The following CR1 variants were observed in gnomAD, a reference collection of about 807,000 sequenced individuals.
CR1 encodes the protein complement C3b/C4b receptor 1 (Knops blood group), also known as complement receptor type 1.
Under a neutral mutation model 187.3 loss-of-function variants are expected in CR1, and 116 were observed. The ratio of observed to expected loss-of-function variants is 0.62; its 90% confidence interval spans 0.53 to 0.72. The LOEUF is 0.72. CR1 is among the 30% of genes least tolerant of loss of function. CR1 has a pLI of 0.00. For missense variants in CR1, 1,731 were observed against 2,110.7 expected, an observed-to-expected ratio of 0.82 and a Z score of 3.52; for synonymous variants, 576 against 747.1, an observed-to-expected ratio of 0.77 and a Z score of 3.73.
Position 207,618,091 on chromosome 1 carries a change from A to T in CR1, c.6910A>T (p.Ile2304Phe), listed in dbSNP as rs80022448. The T allele has an allele frequency of 6.2e-7, 1 of 1,613,574 alleles. No homozygotes were observed. Among genetic ancestry groups the T allele is most frequent in the Non-Finnish European group, 8.5e-7 (1 of 1,179,722 alleles). ...VPAACPHPPK[I>F]QNGHYIGGHV... ...CTTAGCCTGCCCACATCCACCCAAG[A>T]TCCAAAACGGGCATTACATTGGAGG... is the stretch of plus-strand genomic sequence containing the variant. The change falls in exon 42 of 47, where the codon ATC becomes TTC. Residue 2304 changes from isoleucine to phenylalanine, a missense_variant. Physicochemically the swap from Ile to Phe is conservative, Grantham distance 21. Around this residue, in one of 5 missense-constraint regions of CR1, gnomAD observed 1,312 missense variants for 1,379.6 expected, o/e 0.95. Coordinates refer to ENST00000367049, the MANE Select transcript of CR1 (RefSeq NM_000651.6).
At chr1:207,523,469 C>T in intron 4 of CR1, 142 bp from the exon 5 acceptor site, 1 of 1,413,816 alleles carries the variant, frequency 7.1e-7, no homozygotes, top group Non-Finnish European at 9.6e-7. Flanking sequence ...GAAGCTACAA[C>T]TTTATAAAAA....
chr1:207,498,041 C>A (rs1322069192), intron 1 of CR1, among the ~76,000 whole-genome samples: 1 of 152,194 alleles, frequency 6.6e-6, no homozygotes, highest in African/African-American at 2.4e-5. Flanking sequence ...TCTGCTTTTT[C>A]CAGCCTCTGC....
At chr1:207,637,628 G>A (rs1411624645) in intron 46 of CR1, among the ~76,000 whole-genome samples, 2 of 152,194 alleles carry the variant, frequency 1.3e-5, no homozygotes, top group Non-Finnish European at 2.9e-5. Context: ...GCTCTCCCTA[G>A]GCAGATAGGA....
chr1:207,616,661 T>C lies in CR1; in HGVS notation c.6748T>C (p.Ser2250Pro). Residue 2250 changes from serine (S) to proline (P), a missense_variant, in exon 41 of 47, where the codon TCT (serine) becomes CCT (proline). Coordinates refer to ENST00000367049, the MANE Select transcript of CR1 (RefSeq NM_000651.6). ...FGDIPYGKEI[S>P]YACDTHPDRG... ...AGATATTCCCTATGGAAAAGAAATA[T>C]CTTACGCATGCGACACCCACCCAGA... 6.2e-7 allele frequency: 1 copy of C among 1,613,886 alleles called. No homozygotes were observed. Among genetic ancestry groups the C allele is most frequent in the Non-Finnish European group, 8.5e-7 (1 of 1,179,832 alleles).
rs1207667858 is a variant in CR1 at position 207,616,657 on chromosome 1, A to C, written c.6744A>C (p.Glu2248Asp). 6.2e-7 allele frequency: 1 copy of C among 1,613,920 alleles called. No homozygotes were observed. ...TPFGDIPYGK[E>D]ISYACDTHPD... is the part of the protein sequence containing the mutation. Reference sequence around the variant, plus strand: ...TTGGAGATATTCCCTATGGAAAAGAAATATCTTACGCATGCGACACCCACC... The same window carrying C: ...TTGGAGATATTCCCTATGGAAAAGACATATCTTACGCATGCGACACCCACC... The change falls in exon 41 of 47, where the codon GAA (glutamate) becomes GAC (aspartate). Residue 2248 changes from glutamate (E) to aspartate (D), a missense_variant. Physicochemically the swap from Glu to Asp is conservative, Grantham distance 45. This residue lies in a region of CR1 where 1,312 missense variants were observed against 1,379.6 expected (regional missense o/e 0.95). Transcript: ENST00000367049.
intron 4 of CR1, among the ~76,000 whole-genome samples, chr1:207,522,276 G>A (rs1362040871): frequency 1.3e-5 from 2 of 152,114 alleles, no homozygotes; most frequent in Non-Finnish European, 2.9e-5. Flanking sequence ...ATTTTCCAGG[G>A]CCACCCACAG....
chr1:207,577,249 AAAAC>A (rs1368773842), intron 28 of CR1, among the ~76,000 whole-genome samples: 1 of 142,748 alleles, frequency 7.0e-6, no homozygotes, highest in African/African-American at 2.7e-5. Context: ...AGGATCTGTT[AAAAC>A]AAACAAACAA....
Position 207,565,823 on chromosome 1 carries a change from T to A in CR1, c.3867-15T>A, listed in dbSNP as rs767907694. 1.7e-5 allele frequency: 27 copies of A among 1,610,508 alleles called. No homozygotes were observed. In the Admixed American group the frequency reaches 4.3e-4, roughly 26 times the overall value. Reference sequence around the variant, plus strand: ...GCTGAAACAGCTCACTATTCACTCCTATTTTCTTCTTTAGATTTCAATTAA... The same window carrying A: ...GCTGAAACAGCTCACTATTCACTCCAATTTTCTTCTTTAGATTTCAATTAA... On this transcript the variant is annotated splice_polypyrimidine_tract_variant and intron_variant, in intron 23 of 46. Coordinates refer to ENST00000367049, the MANE Select transcript of CR1 (RefSeq NM_000651.6).
chr1:207,633,557 G>T (rs919844472), intron 46 of CR1, among the ~76,000 whole-genome samples: 1 of 152,088 alleles, frequency 6.6e-6, no homozygotes. Context: ...TCATGTAGTT[G>T]CTTATTTATT....
chr1:207,618,292 A>C (rs758948788), intron 42 of CR1, 45 bp downstream of exon 42: 1 of 1,567,318 alleles, frequency 6.4e-7, no homozygotes, highest in African/African-American at 1.4e-5. Context: ...GGTTGTATGG[A>C]ATGCATGAGG....
intron 28 of CR1, among the ~76,000 whole-genome samples, chr1:207,577,136 A>C (rs764933267): frequency 5.3e-5 from 8 of 152,014 alleles, no homozygotes; most frequent in Non-Finnish European, 7.4e-5. Flanking sequence ...CTGTAATCCC[A>C]GCTACTCAGG....
At position 207,602,934 on chromosome 1, in the gene CR1, A is replaced by T. The variant is rs536282587; in HGVS notation, c.5811-4317A>T. Among the ~76,000 whole-genome samples the T allele has an allele frequency of 1.8e-4, 27 of 152,252 alleles. No homozygotes were observed. In the South Asian group the frequency reaches 5.0e-3, roughly 28 times the overall value. On this transcript the variant is annotated intron_variant, in intron 35 of 46. Transcript: ENST00000367049. Reference sequence around the variant, plus strand: ...AAAATCATCTAGAAAGAAATTTAACAGGAAATATATAGGACTTATAAGCAG... The same window carrying T: ...AAAATCATCTAGAAAGAAATTTAACTGGAAATATATAGGACTTATAAGCAG...
intron 3 of CR1, among the ~76,000 whole-genome samples, chr1:207,508,738 G>C (rs1659526038): frequency 6.7e-6 from 1 of 149,780 alleles, no homozygotes; most frequent in African/African-American, 2.5e-5. Flanking sequence ...TTTTTTTAAA[G>C]TTCCTACTAA....
At chr1:207,506,952 T>C (rs929183701) in intron 3 of CR1, 139 bp downstream of exon 3, 7 of 667,630 alleles carry the variant, frequency 1.0e-5, no homozygotes, top group Admixed American at 6.3e-5. Context: ...GATGTTTAGC[T>C]CCTGACTGAA....
chr1:207,506,636 G>T (rs955547456), intron 2 of CR1, 78 bp from the exon 3 acceptor site: 2 of 1,155,358 alleles, frequency 1.7e-6, no homozygotes, highest in African/African-American at 3.1e-5. Flanking sequence ...TAAGCTACAG[G>T]CAGGTTGAGA....
intron 35 of CR1, among the ~76,000 whole-genome samples, chr1:207,601,958 G>C (rs1011756982): frequency 6.6e-6 from 1 of 151,954 alleles, no homozygotes; most frequent in Non-Finnish European, 1.5e-5. Context: ...AGGACAGCTG[G>C]CCTCTCCCAG....
At chr1:207,518,821 A>G (rs141109406) in intron 4 of CR1, among the ~76,000 whole-genome samples, 1 of 152,280 alleles carries the variant, frequency 6.6e-6, no homozygotes, top group Non-Finnish European at 1.5e-5. Flanking sequence ...CATTAACGTG[A>G]TTGTATCTAC....
At chr1:207,600,364 G>A (rs1224145747) in intron 35 of CR1, among the ~76,000 whole-genome samples, 1 of 152,080 alleles carries the variant, frequency 6.6e-6, no homozygotes, top group Non-Finnish European at 1.5e-5. Flanking sequence ...GAGGAATAAG[G>A]CTGCTTTGAT....
chr1:207,595,130 C>T (rs1405909497), intron 35 of CR1, among the ~76,000 whole-genome samples: 2 of 149,422 alleles, frequency 1.3e-5, no homozygotes, highest in Non-Finnish European at 3.0e-5. Context: ...GGAGCCTGCC[C>T]CCAACCCCCG....
Sources: gnomAD v4.1 joint callset for allele counts (sites outside exome capture counted in the v4.1 genomes callset) on GRCh38, gnomAD v4.1.1 for gene constraint, gnomAD v4.1.1 regional missense constraint, MANE v1.5 for transcripts, NCBI Gene and HGNC (gene_info 2026-07-23, HGNC 2026-07-21) for gene names.